The following C8orf34 variants were observed in gnomAD, a reference collection of about 807,000 sequenced individuals.
C8orf34 encodes chromosome 8 open reading frame 34, also known as uncharacterized protein C8orf34.
A neutral mutation model predicts 68.3 loss-of-function variants in C8orf34; 65 were observed. The ratio of observed to expected loss-of-function variants is 0.95; its 90% CI spans 0.78 to 1.17. The LOEUF is 1.17. C8orf34 is among the 50% of genes most tolerant of loss of function. The pLI, the probability that C8orf34 is intolerant of heterozygous loss-of-function variation, is 0.00. For missense variants in C8orf34, 664 were observed against 655.4 expected (o/e 1.01, Z -0.14); for synonymous variants, 244 against 241.2 (o/e 1.01, Z -0.11).
intron 7 of C8orf34, chr8:68,534,623 G>A: frequency 1.0e-6 from 1 of 985,454 alleles, no homozygotes; most frequent in Non-Finnish European, 1.2e-6. Context: ...GCAAATAGAT[G>A]TAAGCTCAGC....
chr8:68,419,684 T>C (rs967956153), intron 1 of C8orf34, among the ~76,000 whole-genome samples: 29 of 151,770 alleles, frequency 1.9e-4, no homozygotes, highest in African/African-American at 6.8e-4. Context: ...TGTAGGGACA[T>C]GGATGAAATT....
chr8:68,647,045 G>C (rs1382195101), intron 8 of C8orf34, among the ~76,000 whole-genome samples: 1 of 152,116 alleles, frequency 6.6e-6, no homozygotes, highest in East Asian at 1.9e-4. Context: ...ACCATACTCT[G>C]ATAGGGGGCT....
At chr8:68,529,716 A>T (rs962316154) in intron 6 of C8orf34, among the ~76,000 whole-genome samples, 1 of 152,230 alleles carries the variant, frequency 6.6e-6, no homozygotes, top group Non-Finnish European at 1.5e-5. Flanking sequence ...AATTGGTTAG[A>T]TAACACTCTT....
At position 68,614,026 on chromosome 8, in the gene C8orf34, T is replaced by G. The variant is rs182299122; in HGVS notation, c.1106-26350T>G. ...ATGTCATTGAGGTTTTGATTTGCAT[T>G]TCTCTGATGGCCAGTGATGGTGAGC... On this transcript the variant is annotated intron_variant, in intron 7 of 13. Coordinates refer to ENST00000518698, the MANE Select transcript of C8orf34 (RefSeq NM_052958.4). 3.0e-4 allele frequency among the ~76,000 whole-genome samples: 45 copies of G among 152,382 alleles called. No homozygotes were observed. The East Asian group carries it at 8.5e-3, about 29-fold the overall frequency.
chr8:68,551,760 C>A (rs1159387414), intron 7 of C8orf34, among the ~76,000 whole-genome samples: 1 of 152,084 alleles, frequency 6.6e-6, no homozygotes, highest in Non-Finnish European at 1.5e-5. Flanking sequence ...CTTTGAACTT[C>A]ATATGTACTC....
chr8:68,368,927 G>A (rs1807434487), intron 1 of C8orf34, among the ~76,000 whole-genome samples: 1 of 151,976 alleles, frequency 6.6e-6, no homozygotes, highest in Non-Finnish European at 1.5e-5. Flanking sequence ...TCTTTCTTTT[G>A]TTGTTATCCC....
In C8orf34 at chr8:68,774,067, A is replaced by T. The variant is rs184857215; in HGVS notation, c.1405-2332A>T. The stretch of plus-strand genomic sequence containing the variant: ...TTAACCCTCAAATGTGCAGAGGCCA[A>T]CCAGGCAAGCCTCCCATGCTGGCTG... On this transcript the variant is annotated intron_variant, in intron 10 of 13. Transcript: ENST00000518698. Among the ~76,000 whole-genome samples the T allele has an allele frequency of 1.6e-4, 25 of 152,204 alleles. No homozygotes were observed. In the East Asian group the frequency reaches 4.6e-3, roughly 28 times the overall value.
intron 11 of C8orf34, among the ~76,000 whole-genome samples, chr8:68,778,505 A>G (rs1214954873): frequency 6.6e-6 from 1 of 152,168 alleles, no homozygotes; most frequent in African/African-American, 2.4e-5. Flanking sequence ...TCTGAATCAA[A>G]ACTACAGAGA....
intron 5 of C8orf34, among the ~76,000 whole-genome samples, chr8:68,498,315 C>G (rs1341723011): frequency 2.6e-5 from 4 of 152,290 alleles, no homozygotes; most frequent in Admixed American, 2.0e-4. Context: ...AGCTTGCCCT[C>G]TTAGAATTTT....
intron 9 of C8orf34, among the ~76,000 whole-genome samples, chr8:68,719,766 A>G (rs1246447818): frequency 1.3e-5 from 2 of 151,962 alleles, no homozygotes; most frequent in South Asian, 2.1e-4. Flanking sequence ...ACTGTCCTAT[A>G]TATGAAAATA....
At chr8:68,330,944 C>T, upstream of C8orf34, 3 of 1,228,746 alleles carry the variant, frequency 2.4e-6, no homozygotes, top group Non-Finnish European at 3.2e-6. Flanking sequence ...ACCTCTGCCT[C>T]GAATTTCCCC....
chr8:68,371,017 C>T (rs1807537249), intron 1 of C8orf34, among the ~76,000 whole-genome samples: 1 of 151,984 alleles, frequency 6.6e-6, no homozygotes, highest in Admixed American at 6.6e-5. Flanking sequence ...AAAGAGGTAT[C>T]CCATTGCAAA....
intron 1 of C8orf34, among the ~76,000 whole-genome samples, chr8:68,367,767 GA>G (rs1563381621): frequency 7.6e-6 from 1 of 132,064 alleles, no homozygotes; most frequent in African/African-American, 2.8e-5. Flanking sequence ...GGGGAGGGGG[GA>G]TGGATAGCAT....
At chr8:68,679,851 T>A (rs1475990570) in intron 8 of C8orf34, among the ~76,000 whole-genome samples, 1 of 152,268 alleles carries the variant, frequency 6.6e-6, no homozygotes, top group Middle Eastern at 3.4e-3. Flanking sequence ...TTTCAATAAA[T>A]GGTGCTGGGA....
chr8:68,383,120 G>A (rs981172161), intron 1 of C8orf34, among the ~76,000 whole-genome samples: 1 of 152,178 alleles, frequency 6.6e-6, no homozygotes, highest in Non-Finnish European at 1.5e-5. Context: ...TCAGGAAGAT[G>A]TGACCGTCAT....
chr8:68,539,131 A>T (rs889304734), intron 7 of C8orf34, among the ~76,000 whole-genome samples: 1 of 152,230 alleles, frequency 6.6e-6, no homozygotes, highest in Non-Finnish European at 1.5e-5. Flanking sequence ...AAACAAACCT[A>T]AACTAAATTG....
intron 1 of C8orf34, among the ~76,000 whole-genome samples, chr8:68,355,970 T>A (rs776933374): frequency 2.0e-5 from 3 of 152,182 alleles, no homozygotes; most frequent in Non-Finnish European, 4.4e-5. Flanking sequence ...AATCATCTTG[T>A]TGGATGTATT....
intron 7 of C8orf34, among the ~76,000 whole-genome samples, chr8:68,584,944 T>C (rs779716508): frequency 5.3e-5 from 8 of 152,152 alleles, no homozygotes; most frequent in Admixed American, 1.3e-4. Context: ...TGTTTTACCA[T>C]GGAAATGTAG....
intron 7 of C8orf34, among the ~76,000 whole-genome samples, chr8:68,638,952 G>C (rs777726410): frequency 3.3e-5 from 5 of 152,054 alleles, no homozygotes; most frequent in African/African-American, 1.2e-4. Flanking sequence ...GGGAAATCAC[G>C]GGTTCACTTC....
Sources: allele counts gnomAD v4.1 joint callset (sites outside exome capture counted in the v4.1 genomes callset), GRCh38; gene constraint gnomAD v4.1.1; transcripts MANE v1.5; gene names NCBI Gene and HGNC (gene_info 2026-07-23, HGNC 2026-07-21).